Variants in BPIFB1 observed in about 807,000 individuals in gnomAD.
The protein encoded by BPIFB1 is BPI fold-containing family B member 1.
Under a neutral mutation model 55.1 loss-of-function variants are expected in BPIFB1, and 34 were observed. The observed-to-expected ratio is 0.62, with a 90% CI of 0.47 to 0.82. The LOEUF (loss-of-function observed/expected upper bound fraction) is 0.82, where lower values mean the gene tolerates loss of function less well. Among genes scored for constraint, BPIFB1 ranks in the 40% least tolerant of loss-of-function variants. The pLI, the probability that BPIFB1 is intolerant of heterozygous loss-of-function variation, is 0.00. For missense variants in BPIFB1, 532 were observed against 593.1 expected, an observed-to-expected ratio of 0.90 and a Z score of 1.07; for synonymous variants, 236 against 245.3, an observed-to-expected ratio of 0.96 and a Z score of 0.35.
At position 33,299,965 on chromosome 20, in the gene BPIFB1, C is replaced by T; in HGVS notation, c.728C>T (p.Thr243Ile). ...DLLYPAIKGD[T>I]IQLYLGAKLL... ...CTGTATCCTGCCATCAAGGGTGACACCATTCAGCTCTACCTGGGGGTGAGT... is the reference window on the plus strand; with the variant it reads ...CTGTATCCTGCCATCAAGGGTGACATCATTCAGCTCTACCTGGGGGTGAGT... Residue 243 changes from threonine (T) to isoleucine (I), a missense_variant, in exon 8 of 16, where the codon ACC (threonine) becomes ATC (isoleucine). Physicochemically the swap from Thr to Ile is moderately conservative, Grantham distance 89 (BLOSUM62 -1). Transcript: ENST00000253354. 6.2e-7 allele frequency: 1 copy of T among 1,614,110 alleles called. No individual in the cohort carries two copies. Among genetic ancestry groups the T allele is most frequent in the Non-Finnish European group, 8.5e-7 (1 of 1,179,968 alleles).
intron 7 of BPIFB1, chr20:33,299,347 TG>T (rs11479498): frequency 0.056 from 20,493 of 369,130 alleles, 3,764 homozygotes; most frequent in African/African-American, 0.39. Flanking sequence ...ACGAGATCTT[TG>T]GGGGGAGCAG....
At position 33,289,995 on chromosome 20, in the gene BPIFB1, G is replaced by A; in HGVS notation, c.365+3G>A. The A allele has an allele frequency of 6.2e-7, 1 of 1,611,598 alleles. No individual in the cohort carries two copies. The highest frequency in any genetic ancestry group is 8.5e-7 in the Non-Finnish European group (1 of 1,177,680). On this transcript the variant is annotated splice_donor_region_variant and intron_variant, in intron 4 of 15. Coordinates refer to ENST00000253354, the MANE Select transcript of BPIFB1 (RefSeq NM_033197.3). ...GACATGGTGGCTGGATTCAACACGTGAGTGACCCCTCCATCAAGTACAGTA... is the reference window on the plus strand; with the variant it reads ...GACATGGTGGCTGGATTCAACACGTAAGTGACCCCTCCATCAAGTACAGTA...
At chr20:33,289,395 C>CAAA (rs1267786219) in intron 3 of BPIFB1, among the ~76,000 whole-genome samples, 1 of 105,832 alleles carries the variant, frequency 9.4e-6, no homozygotes. Flanking sequence ...AAAAAAAAAA[C>CAAA]AAAAAAAAAA....
chr20:33,307,656 A>G (rs925622081), intron 15 of BPIFB1: 2 of 152,544 alleles, frequency 1.3e-5, no homozygotes, highest in African/African-American at 2.4e-5. Context: ...GCTTGTGCCT[A>G]TAATCCCAGC....
intron 12 of BPIFB1, among the ~76,000 whole-genome samples, 186 bp downstream of exon 12, chr20:33,304,211 T>C (rs1028432820): frequency 4.5e-4 from 69 of 152,112 alleles, no homozygotes; most frequent in African/African-American, 1.5e-3. Context: ...GAAAATGAAG[T>C]AGGCCTTGCA....
rs140267782 is a variant in BPIFB1 at position 33,301,339 on chromosome 20, G to T, written c.854G>T (p.Ser285Ile). Residue 285 changes from serine (S) to isoleucine (I), a missense_variant, in exon 9 of 16, where the codon AGT becomes ATT. Coordinates refer to ENST00000253354, the MANE Select transcript of BPIFB1 (RefSeq NM_033197.3). ...LDNIPFSLIV[S>I]QDVVKAAVAA... ...AACATCCCGTTCAGCCTCATCGTGAGTCAGGACGTGGTGAAAGCTGCAGTG... is the reference window on the plus strand; with the variant it reads ...AACATCCCGTTCAGCCTCATCGTGATTCAGGACGTGGTGAAAGCTGCAGTG... The T allele has an allele frequency of 9.3e-6, 15 of 1,614,196 alleles. 1 individual carries two copies. The highest frequency in any genetic ancestry group is 1.7e-4 in the Middle Eastern group (1 of 6,050).
chr20:33,305,294 A>T (rs974356365), intron 13 of BPIFB1, among the ~76,000 whole-genome samples: 14 of 124,224 alleles, frequency 1.1e-4, no homozygotes, highest in South Asian at 2.7e-4. Context: ...GGTTTTTATG[A>T]TTTGTTTTTC....
Position 33,290,978 on chromosome 20 carries a change from G to A in BPIFB1, c.387G>A (p.Val129=), listed in dbSNP as rs759887845. ...GFNTPLVKTI[V]EFHMTTEAQA... ...CTAGGCCCCTGGTCAAGACCATCGT[G>A]GAGTTCCACATGACGACTGAGGCCC... Residue 129 remains valine (V), a synonymous_variant, in exon 5 of 16, where the codon GTG becomes GTA. Coordinates refer to ENST00000253354, the MANE Select transcript of BPIFB1 (RefSeq NM_033197.3). 2.2e-5 allele frequency: 35 copies of A among 1,613,944 alleles called. No individual in the cohort carries two copies. Among genetic ancestry groups the A allele is most frequent in the Non-Finnish European group, 3.0e-5 (35 of 1,180,018 alleles).
chr20:33,292,882 C>G (rs1366905714), intron 6 of BPIFB1, among the ~76,000 whole-genome samples: 1 of 152,208 alleles, frequency 6.6e-6, no homozygotes. Context: ...TGTCAAATAG[C>G]TAATATTTCT....
intron 6 of BPIFB1, among the ~76,000 whole-genome samples, chr20:33,293,067 G>A (rs550556022): frequency 2.6e-5 from 4 of 152,294 alleles, no homozygotes; most frequent in Non-Finnish European, 5.9e-5. Context: ...GATGACAGAT[G>A]AGCACCACCA....
Position 33,306,949 on chromosome 20 carries a change from G to T in BPIFB1, c.1357G>T (p.Ala453Ser). ...TGGGGTCCCAGTGTCATTGGTGAAG[G>T]CCTTGGGATTCGAGGCAGCTGAGTC... is the stretch of plus-strand genomic sequence containing the variant. ...RSGVPVSLVK[A>S]LGFEAAESSL... The change falls in exon 15 of 16, where the codon GCC (alanine) becomes TCC (serine). Residue 453 changes from alanine to serine, a missense_variant. Coordinates refer to ENST00000253354, the MANE Select transcript of BPIFB1 (RefSeq NM_033197.3). 1 of 1,614,228 alleles carries T rather than the reference G, an allele frequency of 6.2e-7. No homozygotes were observed. Among genetic ancestry groups the T allele is most frequent in the Non-Finnish European group, 8.5e-7 (1 of 1,180,014 alleles).
chr20:33,291,410 G>A (rs551177686), intron 5 of BPIFB1, among the ~76,000 whole-genome samples: 1 of 152,244 alleles, frequency 6.6e-6, no homozygotes, highest in African/African-American at 2.4e-5. Flanking sequence ...TGGAGCCAGG[G>A]GCAAAAACAT....
At chr20:33,302,729 A>T (rs1980893224) in intron 10 of BPIFB1, 187 bp from the exon 11 acceptor site, 1 of 688,302 alleles carries the variant, frequency 1.5e-6, no homozygotes. Flanking sequence ...CAGAGGGAAC[A>T]GGAGACCAAA....
intron 6 of BPIFB1, among the ~76,000 whole-genome samples, 181 bp downstream of exon 6, chr20:33,292,169 G>T (rs1980496200): frequency 6.6e-6 from 1 of 152,240 alleles, no homozygotes; most frequent in Non-Finnish European, 1.5e-5. Flanking sequence ...AGGCAGACAG[G>T]CAAGGTCATG....
intron 1 of BPIFB1, among the ~76,000 whole-genome samples, chr20:33,284,867 C>T (rs909886827): frequency 2.0e-5 from 3 of 152,150 alleles, no homozygotes; most frequent in African/African-American, 7.2e-5. Flanking sequence ...AGCCACAGGG[C>T]CCTTTCTCTC....
chr20:33,309,073 C>A lies in BPIFB1; in HGVS notation c.1396-635C>A, dbSNP rs913896448. ...GTCCCCGGTGCTCAGCATGGCCTGG[C>A]ACACAGTAGGTGTTCAATAAATGCT... On this transcript the variant is annotated intron_variant, in intron 15 of 15. Coordinates refer to ENST00000253354, the MANE Select transcript of BPIFB1 (RefSeq NM_033197.3). The surrounding 1 kb of genome is among the most constrained non-coding windows in gnomAD (Gnocchi z 4.4). 5.3e-5 allele frequency among the ~76,000 whole-genome samples: 8 copies of A among 152,268 alleles called. No homozygotes were observed. In the South Asian group the frequency reaches 1.7e-3, roughly 32 times the overall value.
intron 6 of BPIFB1, 120 bp from the exon 7 acceptor site, chr20:33,297,405 C>G (rs2146531192): frequency 9.5e-7 from 1 of 1,054,412 alleles, no homozygotes; most frequent in Non-Finnish European, 1.4e-6. Flanking sequence ...TGGATGGAAC[C>G]TGGCTGGCCA....
chr20:33,286,021 T>G lies in BPIFB1; in HGVS notation c.-41-12T>G. The G allele has an allele frequency of 1.3e-6, 2 of 1,570,570 alleles. No individual in the cohort carries two copies. Among genetic ancestry groups the G allele is most frequent in the East Asian group, 2.2e-5 (1 of 44,654 alleles). Reference sequence around the variant, plus strand: ...GGCCCCTCTGCCTCAGGTCCCTCTGTGCTCACCCCAGGTCTGGCATCCTGC... The same window carrying G: ...GGCCCCTCTGCCTCAGGTCCCTCTGGGCTCACCCCAGGTCTGGCATCCTGC... On this transcript the variant is annotated splice_polypyrimidine_tract_variant and intron_variant, in intron 1 of 15. Coordinates refer to ENST00000253354, the MANE Select transcript of BPIFB1 (RefSeq NM_033197.3).
intron 2 of BPIFB1, among the ~76,000 whole-genome samples, chr20:33,287,940 T>A (rs1229640388): frequency 2.6e-5 from 4 of 151,998 alleles, no homozygotes; most frequent in African/African-American, 9.7e-5. Context: ...CTGTGCCAAA[T>A]GGCAAAAAAG....
Sources: allele counts gnomAD v4.1 joint callset (sites outside exome capture counted in the v4.1 genomes callset), GRCh38; gene constraint gnomAD v4.1.1; non-coding constraint Gnocchi (gnomAD v3.1); transcripts MANE v1.5; gene names NCBI Gene and HGNC (gene_info 2026-07-23, HGNC 2026-07-21).